Variants in ECRG4 observed in about 807,000 individuals in gnomAD.
The protein encoded by ECRG4 is ECRG4 augurin precursor, also known as augurin.
Under a neutral mutation model 15.8 loss-of-function variants are expected in ECRG4, and 18 were observed. The observed-to-expected ratio is 1.14, with a 90% CI of 0.79 to 1.69. The LOEUF (loss-of-function observed/expected upper bound fraction) is 1.69, where lower values mean the gene tolerates loss of function less well. Ranked by LOEUF, ECRG4 falls within the 40% of genes most tolerant of loss-of-function variation. The probability of loss-of-function intolerance (pLI) is 0.00; values close to 1 mark genes in which losing one functional copy is unlikely to be tolerated. For missense variants in ECRG4, 200 were observed against 190.9 expected (o/e 1.05, Z -0.28); for synonymous variants, 82 against 73.9 (o/e 1.11, Z -0.56).
intron 2 of ECRG4, among the ~76,000 whole-genome samples, chr2:106,073,186 C>G (rs1385941153): frequency 1.1e-4 from 16 of 152,210 alleles, no homozygotes; most frequent in Non-Finnish European, 2.4e-4. Context: ...CCTAATGGCA[C>G]AGTGGCTTCC....
upstream of ECRG4, chr2:106,063,437 TAGAC>T (rs1676143376): frequency 6.6e-6 from 1 of 152,064 alleles, no homozygotes; most frequent in Non-Finnish European, 1.5e-5. Context: ...GTTGAACAAA[TAGAC>T]AGATGAAAAG....
rs1676366428 is a variant in ECRG4, at chr2:106,071,349, A to AAAAAAAAG, written c.80-492_80-491insAAAAGAAA. Among the ~76,000 whole-genome samples the AAAAAAAAG allele has an allele frequency of 2.9e-5, 4 of 137,594 alleles. No homozygotes were observed. In the South Asian group the frequency reaches 7.5e-4, roughly 26 times the overall value. 90.3% of individuals were successfully genotyped at this position (137,594 alleles called of 152,430 possible). On this transcript the variant is annotated intron_variant, in intron 1 of 3. Coordinates refer to ENST00000238044, the MANE Select transcript of ECRG4 (RefSeq NM_032411.3). ...AAAAAAAAAAAAAAAAAAAAAAAAA[A>AAAAAAAAG]AAAGAAAGAAAGAAAAGAAAAGAAA...
intron 1 of ECRG4, among the ~76,000 whole-genome samples, chr2:106,067,258 C>T (rs917275043): frequency 1.3e-5 from 2 of 151,778 alleles, no homozygotes; most frequent in African/African-American, 2.4e-5. Flanking sequence ...TGCCATTGCA[C>T]TCCAGCCTGG....
intron 1 of ECRG4, 58 bp downstream of exon 1, chr2:106,065,901 C>G (rs1676202317): frequency 7.2e-7 from 1 of 1,397,496 alleles, no homozygotes; most frequent in Non-Finnish European, 9.4e-7. Context: ...CCCCATGTGG[C>G]GCTTCCATGG....
At chr2:106,074,705 G>A (rs963483427) in intron 3 of ECRG4, among the ~76,000 whole-genome samples, 2 of 152,218 alleles carry the variant, frequency 1.3e-5, no homozygotes, top group African/African-American at 4.8e-5. Flanking sequence ...CATCCATGGT[G>A]ACTGAGGAGG....
At position 106,077,868 on chromosome 2, in the gene ECRG4, G is replaced by C; in HGVS notation, c.389G>C (p.Gly130Ala). ...QRHYDEDSAI[G>A]PRSPYGFRHG... ...CACTATGATGAAGACTCTGCAATTGGTCCCCGGAGCCCCTACGGCTTTAGG... is the reference window on the plus strand; with the variant it reads ...CACTATGATGAAGACTCTGCAATTGCTCCCCGGAGCCCCTACGGCTTTAGG... Residue 130 changes from glycine to alanine, a missense_variant, in exon 4 of 4, where the codon GGT becomes GCT. Gly to Ala is a moderately conservative substitution (Grantham distance 60). Coordinates refer to ENST00000238044, the MANE Select transcript of ECRG4 (RefSeq NM_032411.3). The C allele has an allele frequency of 6.2e-7, 1 of 1,614,054 alleles. No homozygotes were observed. Among genetic ancestry groups the C allele is most frequent in the Non-Finnish European group, 8.5e-7 (1 of 1,180,022 alleles).
At chr2:106,068,316 A>G (rs532051137) in intron 1 of ECRG4, among the ~76,000 whole-genome samples, 2 of 152,318 alleles carry the variant, frequency 1.3e-5, no homozygotes, top group East Asian at 3.9e-4. Flanking sequence ...CCTTGAATGA[A>G]CAACTGATGA....
At chr2:106,069,334 TTTC>T (rs1439948359) in intron 1 of ECRG4, among the ~76,000 whole-genome samples, 1 of 150,736 alleles carries the variant, frequency 6.6e-6, no homozygotes, top group African/African-American at 2.4e-5. Flanking sequence ...TCTCTCTTTC[TTTC>T]TTTTTTTTTT....
upstream of ECRG4, among the ~76,000 whole-genome samples, chr2:106,064,882 C>G (rs1489357562): frequency 1.3e-5 from 2 of 152,256 alleles, no homozygotes; most frequent in Admixed American, 6.5e-5. Context: ...CCTCCTTTCA[C>G]GTGTCCTCTA....
At position 106,073,995 on chromosome 2, in the gene ECRG4, G is replaced by A. The variant is rs773294192; in HGVS notation, c.237G>A (p.Glu79=). The A allele has an allele frequency of 1.9e-6, 3 of 1,613,970 alleles. No homozygotes were observed. The highest frequency in any genetic ancestry group is 1.1e-5 in the South Asian group (1 of 91,072). The part of the protein sequence containing the change: ...KRQLWDRTRP[E]VQQWYQQFLY... ...AGCTGTGGGACCGGACTCGGCCCGA[G>A]GTGCAGCAGTGGTACCAGCAGTTTC... is the stretch of plus-strand genomic sequence containing the variant. Residue 79 remains glutamate (E), a synonymous_variant, in exon 3 of 4, where the codon GAG becomes GAA. Coordinates refer to ENST00000238044, the MANE Select transcript of ECRG4 (RefSeq NM_032411.3).
rs1300916918 is a variant in ECRG4 at position 106,069,221 on chromosome 2, C to CT, written c.80-2621dup. On this transcript the variant is annotated intron_variant, in intron 1 of 3. Coordinates refer to ENST00000238044, the MANE Select transcript of ECRG4 (RefSeq NM_032411.3). ...CTTTCTTTTTTATTTTCTTTTCTTTCTTCTTTCCTTCTTTCTTTTCTTTCT... is the reference window on the plus strand; with the variant it reads ...CTTTCTTTTTTATTTTCTTTTCTTTCTTTCTTTCCTTCTTTCTTTTCTTTCT... Among the ~76,000 whole-genome samples the CT allele has an allele frequency of 1.4e-3, 169 of 119,632 alleles. 2 individuals carry two copies. Among genetic ancestry groups the CT allele is most frequent in the African/African-American group, 5.3e-3 (154 of 28,864 alleles). 78.5% of individuals were successfully genotyped at this position (119,632 alleles called of 152,430 possible).
At chr2:106,076,258 T>C (rs1196745031) in intron 3 of ECRG4, among the ~76,000 whole-genome samples, 1 of 152,040 alleles carries the variant, frequency 6.6e-6, no homozygotes, top group Admixed American at 6.5e-5. Flanking sequence ...GGGGTGGAGC[T>C]TGCAGTGAGC....
At position 106,073,908 on chromosome 2, in the gene ECRG4, AGTG is replaced by A; in HGVS notation, c.152_154del (p.Val51del). 1 of 1,614,248 alleles carries A rather than the reference AGTG, an allele frequency of 6.2e-7. No homozygotes were observed. The highest frequency in any genetic ancestry group is 8.5e-7 in the Non-Finnish European group (1 of 1,180,040). ...CAGCACCTGTTCCAACTAAGACTAA[AGTG>A]GCCGTTGATGAGAATAAAGCCAAAG... On this transcript the variant is annotated inframe_deletion, in exon 3 of 4. Transcript: ENST00000238044.
intron 1 of ECRG4, among the ~76,000 whole-genome samples, chr2:106,069,329 CTT>C (rs1392866466): frequency 3.0e-5 from 4 of 133,658 alleles, no homozygotes; most frequent in Non-Finnish European, 3.2e-5. Flanking sequence ...TTCTCTCTCT[CTT>C]TCTTTCTTTT....
rs538232417 is a variant in ECRG4 at position 106,068,031 on chromosome 2, A to C, written c.79+2188A>C. Among the ~76,000 whole-genome samples the C allele has an allele frequency of 8.0e-5, 12 of 150,770 alleles. 1 individual carries two copies. The highest frequency in any genetic ancestry group is 2.2e-4 in the African/African-American group (9 of 41,022). On this transcript the variant is annotated intron_variant, in intron 1 of 3. Transcript: ENST00000238044. ...TTTTTTTTCTTTTAATTTTTAGTAGAGATGAGTCTCACTATGTAGCCCAGG... is the reference window on the plus strand; with the variant it reads ...TTTTTTTTCTTTTAATTTTTAGTAGCGATGAGTCTCACTATGTAGCCCAGG...
intron 1 of ECRG4, chr2:106,070,917 T>C: frequency 2.1e-6 from 1 of 471,294 alleles, no homozygotes; most frequent in Non-Finnish European, 4.4e-6. Context: ...CTACTTACGA[T>C]GTCATGCAAC....
At chr2:106,071,338 AAAAAAAAAAAAAAAG>A (rs1288723083) in intron 1 of ECRG4, among the ~76,000 whole-genome samples, 3 of 118,042 alleles carry the variant, frequency 2.5e-5, no homozygotes, top group East Asian at 6.6e-4. Context: ...AAAAAAAAAA[AAAAAAAAAAAAAAAG>A]AAAGAAAGAA....
chr2:106,075,737 A>AAAAAG (rs375900720), intron 3 of ECRG4, among the ~76,000 whole-genome samples: 1 of 152,058 alleles, frequency 6.6e-6, no homozygotes, highest in African/African-American at 2.4e-5. Flanking sequence ...AGAAAAAAAA[A>AAAAAG]AGAGAGTTTA....
chr2:106,072,004 C>CCA, intron 2 of ECRG4, 113 bp downstream of exon 2: 1 of 854,800 alleles, frequency 1.2e-6, no homozygotes, highest in Non-Finnish European at 1.9e-6. Flanking sequence ...AGTGTTTACT[C>CCA]CTTAAAAGGT....
Sources: allele counts gnomAD v4.1 joint callset (sites outside exome capture counted in the v4.1 genomes callset), GRCh38; gene constraint gnomAD v4.1.1; transcripts MANE v1.5; gene names NCBI Gene and HGNC (gene_info 2026-07-23, HGNC 2026-07-21).